The following TIPARP variants were observed in gnomAD, a reference collection of about 807,000 sequenced individuals.
The protein encoded by TIPARP is TCDD inducible poly(ADP-ribose) polymerase.
In TIPARP, 12 loss-of-function variants were observed where a neutral mutation model predicts 56.5. The ratio of observed to expected loss-of-function variants is 0.21; its 90% CI spans 0.14 to 0.34. TIPARP has a LOEUF of 0.34. Among genes scored for constraint, TIPARP ranks in the 10% least tolerant of loss-of-function variants. TIPARP has a pLI of 1.00. For synonymous variants in TIPARP, 296 were observed against 265.7 expected, an observed-to-expected ratio of 1.11 and a Z score of -1.11; for missense variants, 604 against 781.6, an observed-to-expected ratio of 0.77 and a Z score of 2.71.
At chr3:156,703,841 G>A (rs889498122) in intron 5 of TIPARP, 139 bp downstream of exon 5, 126 of 880,358 alleles carry the variant, frequency 1.4e-4, no homozygotes, top group Non-Finnish European at 1.8e-4. Flanking sequence ...GTGAAACCCC[G>A]TCTCTACTAA....
chr3:156,682,049 G>T (rs1421120582), intron 2 of TIPARP, among the ~76,000 whole-genome samples: 1 of 152,122 alleles, frequency 6.6e-6, no homozygotes, highest in African/African-American at 2.4e-5. Context: ...GTACTGTTGT[G>T]GATAATTGAA....
At chr3:156,691,517 G>T (rs1722573698) in intron 2 of TIPARP, among the ~76,000 whole-genome samples, 1 of 152,074 alleles carries the variant, frequency 6.6e-6, no homozygotes, top group Admixed American at 6.6e-5. Flanking sequence ...GCCCAGTAGA[G>T]CCCACCATCA....
At position 156,705,491 on chromosome 3, in the gene TIPARP, G is replaced by A. The variant is rs1156917247; in HGVS notation, c.*360G>A. ...GGGCCTGGTAGAAGTTTGACCAAAT[G>A]GAATGGAGGCTGTGAGCAATGTGAG... On this transcript the variant is annotated 3_prime_UTR_variant, in exon 6 of 6. Transcript: ENST00000295924. 5.9e-6 allele frequency: 1 copy of A among 168,884 alleles called. No homozygotes were observed. Among genetic ancestry groups the A allele is most frequent in the African/African-American group, 2.4e-5 (1 of 41,680 alleles). The allele number at this position is 168,884 out of a possible 1,614,324, so 10.5% of individuals were successfully genotyped here.
intron 3 of TIPARP, 41 bp from the exon 4 acceptor site, chr3:156,695,824 T>C (rs1722697488): frequency 3.2e-6 from 4 of 1,241,470 alleles, no homozygotes; most frequent in Non-Finnish European, 3.2e-6. Flanking sequence ...TTATTAACTT[T>C]CCTTTTTTTT....
intron 2 of TIPARP, among the ~76,000 whole-genome samples, chr3:156,680,370 T>C (rs1387552565): frequency 1.3e-5 from 2 of 152,178 alleles, no homozygotes; most frequent in African/African-American, 2.4e-5. Context: ...TAATAAGGTA[T>C]TTTCCAAAAT....
Position 156,704,284 on chromosome 3 carries a change from A to C in TIPARP, c.1527-400A>C, listed in dbSNP as rs534782749. Among the ~76,000 whole-genome samples the C allele has an allele frequency of 1.3e-3, 195 of 152,310 alleles. 1 individual carries two copies. Among genetic ancestry groups the C allele is most frequent in the Admixed American group, 2.0e-3 (30 of 15,298 alleles). Reference sequence around the variant, plus strand: ...ATTTGAACCCAGGCCGTCTGGCACCAGAGGCCTTGCTCTTAATCCCTTTAC... The same window carrying C: ...ATTTGAACCCAGGCCGTCTGGCACCCGAGGCCTTGCTCTTAATCCCTTTAC... On this transcript the variant is annotated intron_variant, in intron 5 of 5. Coordinates refer to ENST00000295924, the MANE Select transcript of TIPARP (RefSeq NM_015508.5).
At position 156,695,954 on chromosome 3, in the gene TIPARP, T is replaced by G; in HGVS notation, c.1176T>G (p.Asn392Lys). ...GGAATAACCACTACATCCTCCACAA[T>G]TCATTCTTCAGGAGAGAGATAAAAA... ...MMWNNHYILHNSFFRREIKRR... is the reference protein window; with the variant it reads ...MMWNNHYILHKSFFRREIKRR... The change falls in exon 4 of 6, where the codon AAT (asparagine) becomes AAG (lysine). Residue 392 changes from asparagine (N) to lysine (K), a missense_variant. Transcript: ENST00000295924. 6.2e-7 allele frequency: 1 copy of G among 1,611,298 alleles called. No individual in the cohort carries two copies. The highest frequency in any genetic ancestry group is 2.2e-5 in the East Asian group (1 of 44,654).
intron 2 of TIPARP, among the ~76,000 whole-genome samples, chr3:156,688,294 T>C (rs555784495): frequency 6.7e-6 from 1 of 148,670 alleles, no homozygotes; most frequent in Non-Finnish European, 1.5e-5. Context: ...GAGGGTAGTT[T>C]AAGCAAGGGA....
At chr3:156,692,869 C>G (rs1449088562) in intron 2 of TIPARP, among the ~76,000 whole-genome samples, 1 of 151,946 alleles carries the variant, frequency 6.6e-6, no homozygotes, top group African/African-American at 2.4e-5. Flanking sequence ...TTTTTTTAGA[C>G]AGTTTCACTC....
chr3:156,703,832 T>G (rs1270988560), intron 5 of TIPARP, 130 bp downstream of exon 5: 2 of 932,326 alleles, frequency 2.1e-6, no homozygotes, highest in African/African-American at 3.4e-5. Context: ...GCTAACACGG[T>G]GAAACCCCGT....
chr3:156,702,413 G>A (rs572916477), intron 4 of TIPARP, among the ~76,000 whole-genome samples: 12 of 152,286 alleles, frequency 7.9e-5, no homozygotes, highest in Non-Finnish European at 1.0e-4. Context: ...GTATTAATTG[G>A]TTATGATTAT....
In TIPARP at chr3:156,677,881, A is replaced by G; in HGVS notation, c.184A>G (p.Thr62Ala). 2 of 1,613,928 alleles carry G rather than the reference A, an allele frequency of 1.2e-6. No individual in the cohort carries two copies. The highest frequency in any genetic ancestry group is 8.5e-7 in the Non-Finnish European group (1 of 1,179,978). ...GAGGTCTTTGAGGCCAATATTAAAC[A>G]CTCTTCTAGAATCTGGCTCACTTGA... Reference protein sequence around the residue: ...TLRSLRPILNTLLESGSLDGV... With the variant: ...TLRSLRPILNALLESGSLDGV... The change falls in exon 2 of 6, where the codon ACT becomes GCT. Residue 62 changes from threonine to alanine, a missense_variant. Thr to Ala is a moderately conservative substitution (Grantham distance 58). Transcript: ENST00000295924.
chr3:156,677,745 T>G lies in TIPARP; in HGVS notation c.48T>G (p.Pro16=). The change falls in exon 2 of 6, where the codon CCT becomes CCG. Residue 16 remains proline (P), a synonymous_variant. Transcript: ENST00000295924. ...CTGAGCCAGACTGTGTAGTGCAGCC[T>G]CCCTCTCCTCCTGATGACTTTTCAT... ...TEPEPDCVVQ[P]PSPPDDFSCQ... 1.2e-6 allele frequency: 2 copies of G among 1,613,320 alleles called. No homozygotes were observed. The highest frequency in any genetic ancestry group is 1.7e-5 in the Admixed American group (1 of 59,882).
chr3:156,677,614 G>T (rs1410875282), intron 1 of TIPARP, 43 bp from the exon 2 acceptor site: 1 of 1,293,166 alleles, frequency 7.7e-7, no homozygotes, highest in East Asian at 2.4e-5. Context: ...AAATCCAGTT[G>T]CTGTCAGTTT....
At chr3:156,699,515 A>G (rs1722794982) in intron 4 of TIPARP, among the ~76,000 whole-genome samples, 1 of 152,250 alleles carries the variant, frequency 6.6e-6, no homozygotes, top group African/African-American at 2.4e-5. Context: ...AAGTATTTTT[A>G]AATTAAGGTA....
intron 2 of TIPARP, among the ~76,000 whole-genome samples, chr3:156,685,299 T>G (rs1223865891): frequency 6.6e-6 from 1 of 152,244 alleles, no homozygotes; most frequent in Non-Finnish European, 1.5e-5. Flanking sequence ...TGCTCTATGC[T>G]GTTTACTTAC....
chr3:156,687,547 T>C (rs1722460454), intron 2 of TIPARP, among the ~76,000 whole-genome samples: 1 of 152,192 alleles, frequency 6.6e-6, no homozygotes, highest in African/African-American at 2.4e-5. Context: ...GTGGACTTCA[T>C]TGTATGGTAT....
chr3:156,703,969 C>T (rs1235702331), intron 5 of TIPARP, among the ~76,000 whole-genome samples: 5 of 147,476 alleles, frequency 3.4e-5, no homozygotes, highest in Non-Finnish European at 7.4e-5. Flanking sequence ...GCCGAGATTG[C>T]GCCACTGCAC....
intron 2 of TIPARP, among the ~76,000 whole-genome samples, chr3:156,686,017 G>C (rs1179292803): frequency 6.6e-6 from 1 of 152,190 alleles, no homozygotes; most frequent in Non-Finnish European, 1.5e-5. Flanking sequence ...GGCATTTAGA[G>C]AGTAAAAATT....
Sources: allele counts gnomAD v4.1 joint callset (sites outside exome capture counted in the v4.1 genomes callset), GRCh38; gene constraint gnomAD v4.1.1; transcripts MANE v1.5; gene names NCBI Gene and HGNC (gene_info 2026-07-23, HGNC 2026-07-21).